ADAMTSL1: variants seen among roughly 807,000 people sequenced by gnomAD.
ADAMTSL1 encodes the protein ADAMTS like 1.
In ADAMTSL1, 126 loss-of-function variants were observed where a neutral mutation model predicts 201.8. The ratio of observed to expected loss-of-function variants is 0.62; its 90% confidence interval spans 0.54 to 0.72. The LOEUF (loss-of-function observed/expected upper bound fraction) is 0.72, where lower values mean the gene tolerates loss of function less well. ADAMTSL1 is among the 30% of genes least tolerant of loss of function. The pLI, the probability that ADAMTSL1 is intolerant of heterozygous loss-of-function variation, is 0.00. For synonymous variants in ADAMTSL1, 1,121 were observed against 903.4 expected (o/e 1.24, Z -4.32); for missense variants, 2,679 against 2,277.8 (o/e 1.18, Z -3.59).
chr9:18,299,965 T>A (rs919723372), intron 2 of ADAMTSL1, among the ~76,000 whole-genome samples: 3 of 152,238 alleles, frequency 2.0e-5, no homozygotes, highest in African/African-American at 7.2e-5. Flanking sequence ...GCAGTCATGC[T>A]TTCAAAACTC....
chr9:18,389,108 G>A (rs1837935931), intron 2 of ADAMTSL1, among the ~76,000 whole-genome samples: 1 of 151,672 alleles, frequency 6.6e-6, no homozygotes, highest in African/African-American at 2.4e-5. Context: ...TTTAAAATTT[G>A]TGAATATTTC....
intron 1 of ADAMTSL1, among the ~76,000 whole-genome samples, chr9:18,095,866 A>G (rs1334773863): frequency 6.6e-6 from 1 of 152,176 alleles, no homozygotes; most frequent in African/African-American, 2.4e-5. Flanking sequence ...CAAATCTGAG[A>G]GTCAGCAATG....
chr9:18,000,408 C>G (rs1819565012), intron 1 of ADAMTSL1, among the ~76,000 whole-genome samples: 1 of 151,970 alleles, frequency 6.6e-6, no homozygotes, highest in Non-Finnish European at 1.5e-5. Context: ...CCTCACCACC[C>G]CTCATCCGGT....
chr9:18,447,620 G>T (rs780217578), intron 2 of ADAMTSL1, among the ~76,000 whole-genome samples: 16 of 152,166 alleles, frequency 1.1e-4, no homozygotes, highest in Admixed American at 3.9e-4. Flanking sequence ...AAAATGTCTC[G>T]CAATTATAAG....
chr9:18,706,661 G>T (rs769705997), intron 13 of ADAMTSL1, 86 bp from the exon 14 acceptor site: 450 of 1,370,398 alleles, frequency 3.3e-4, no homozygotes, highest in Non-Finnish European at 4.2e-4. Context: ...GGCACTGGAG[G>T]CAGGTGGGAT....
chr9:17,996,227 C>G lies in ADAMTSL1; in HGVS notation c.87+89305C>G, dbSNP rs367787923. On this transcript the variant is annotated intron_variant, in intron 1 of 29. Coordinates refer to the ADAMTSL1 transcript ENST00000680146. ...ATCTGTAGTTTTCTTCCACTCTCCACCCACCTCCTGCCACCAAGCCTTCAT... is the reference window on the plus strand; with the variant it reads ...ATCTGTAGTTTTCTTCCACTCTCCAGCCACCTCCTGCCACCAAGCCTTCAT... Among the ~76,000 whole-genome samples the G allele has an allele frequency of 9.9e-5, 15 of 151,944 alleles. No homozygotes were observed. The East Asian group carries it at 1.2e-3, about 12-fold the overall frequency.
intron 1 of ADAMTSL1, among the ~76,000 whole-genome samples, chr9:18,089,505 A>T (rs967389908): frequency 6.6e-6 from 1 of 152,082 alleles, no homozygotes; most frequent in Admixed American, 6.6e-5. Flanking sequence ...TAGGAGAAAT[A>T]CCTAACGTAG....
At position 18,494,588 on chromosome 9, in the gene ADAMTSL1, G is replaced by A. The variant is rs574691083; in HGVS notation, c.64-10241G>A. ...TTACTGAGAATCATGACCAATTACT[G>A]AAGTGTAGAGGCCATGTATGATTAC... On this transcript the variant is annotated intron_variant, in intron 1 of 28. Transcript: ENST00000380548. Among the ~76,000 whole-genome samples the A allele has an allele frequency of 4.6e-5, 7 of 152,218 alleles. No individual in the cohort carries two copies. The South Asian group carries it at 1.2e-3, about 27-fold the overall frequency.
chr9:18,169,637 A>G (rs1827800924), intron 2 of ADAMTSL1, among the ~76,000 whole-genome samples: 1 of 152,126 alleles, frequency 6.6e-6, no homozygotes, highest in African/African-American at 2.4e-5. Flanking sequence ...ATGAAGCTTA[A>G]AGTAGTTTTT....
At chr9:18,098,170 A>G (rs779698286) in intron 1 of ADAMTSL1, among the ~76,000 whole-genome samples, 10 of 151,970 alleles carry the variant, frequency 6.6e-5, no homozygotes, top group Non-Finnish European at 8.8e-5. Context: ...ATATTTATCT[A>G]TATGTTTATC....
intron 2 of ADAMTSL1, among the ~76,000 whole-genome samples, chr9:18,298,432 G>T (rs1563868427): frequency 6.6e-6 from 1 of 152,164 alleles, no homozygotes; most frequent in Non-Finnish European, 1.5e-5. Flanking sequence ...TCCAGTAGCA[G>T]TAACTATGTG....
Position 18,503,440 on chromosome 9 carries a change from T to TATATATATATATATATATATATATAC in ADAMTSL1, c.64-1388_64-1387insTATATATATATATATATATATATACA, listed in dbSNP as rs1304107760. On this transcript the variant is annotated intron_variant, in intron 1 of 28. Coordinates refer to ENST00000380548, the MANE Select transcript of ADAMTSL1 (RefSeq NM_001040272.6). ...CATTGTGTATATATATATATATATA[T>TATATATATATATATATATATATATAC]ACCACATTTTGTTTACATATTCATC... Among the ~76,000 whole-genome samples the TATATATATATATATATATATATATAC allele has an allele frequency of 9.9e-4, 147 of 148,254 alleles. 2 individuals are homozygous for TATATATATATATATATATATATATAC. The highest frequency in any genetic ancestry group is 4.6e-3 in the Admixed American group (67 of 14,606).
intron 23 of ADAMTSL1, among the ~76,000 whole-genome samples, chr9:18,855,436 C>T (rs1022503625): frequency 6.6e-6 from 1 of 152,194 alleles, no homozygotes; most frequent in Non-Finnish European, 1.5e-5. Context: ...CTGCTGTTCT[C>T]TACCCATGAG....
intron 1 of ADAMTSL1, among the ~76,000 whole-genome samples, chr9:17,931,099 A>G (rs895981402): frequency 1.3e-4 from 20 of 152,320 alleles, no homozygotes; most frequent in African/African-American, 4.3e-4. Flanking sequence ...TTAAACAGAA[A>G]AAAAGACCTA....
intron 2 of ADAMTSL1, among the ~76,000 whole-genome samples, chr9:18,467,583 A>T (rs1316759933): frequency 6.6e-6 from 1 of 152,230 alleles, no homozygotes; most frequent in Non-Finnish European, 1.5e-5. Context: ...GAAAGTTTTT[A>T]AAAAATTGCA....
chr9:18,424,975 T>C (rs1056814852), intron 2 of ADAMTSL1, among the ~76,000 whole-genome samples: 1 of 152,192 alleles, frequency 6.6e-6, no homozygotes. Flanking sequence ...CCACCTATGA[T>C]CTGAATATTA....
intron 1 of ADAMTSL1, among the ~76,000 whole-genome samples, chr9:18,100,161 C>T (rs142363925): frequency 2.6e-3 from 399 of 152,188 alleles, no homozygotes; most frequent in African/African-American, 9.3e-3. Flanking sequence ...TGGACATGTC[C>T]TCCAGAATTT....
intron 1 of ADAMTSL1, among the ~76,000 whole-genome samples, chr9:17,936,160 G>A (rs1827001261): frequency 6.6e-6 from 1 of 152,140 alleles, no homozygotes; most frequent in Non-Finnish European, 1.5e-5. Context: ...GCATGTGTAT[G>A]TAATTTTTAT....
intron 23 of ADAMTSL1, among the ~76,000 whole-genome samples, chr9:18,850,149 A>G (rs1477379851): frequency 2.0e-5 from 3 of 152,234 alleles, no homozygotes; most frequent in Non-Finnish European, 4.4e-5. Flanking sequence ...GACGCTAGAT[A>G]GGAAATGAGG....
Sources: gnomAD v4.1 joint callset for allele counts (sites outside exome capture counted in the v4.1 genomes callset) on GRCh38, gnomAD v4.1.1 for gene constraint, MANE v1.5 for transcripts, NCBI Gene and HGNC (gene_info 2026-07-23, HGNC 2026-07-21) for gene names.